C16orf74: variants seen among roughly 807,000 people sequenced by gnomAD.
C16orf74 encodes the protein uncharacterized protein C16orf74.
Under a neutral mutation model 6.5 loss-of-function variants are expected in C16orf74, and 10 were observed. The ratio of observed to expected loss-of-function variants is 1.54; its 90% confidence interval spans 0.95 to 2.61. C16orf74 has a LOEUF of 2.61. C16orf74 is among the 30% of genes most tolerant of loss of function. The pLI is 0.00. For missense variants in C16orf74, 141 were observed against 105.9 expected, an observed-to-expected ratio of 1.33 and a Z score of -1.45; for synonymous variants, 60 against 42.5, an observed-to-expected ratio of 1.41 and a Z score of -1.60.
chr16:85,730,040 C>A (rs1171993571), intron 2 of C16orf74, among the ~76,000 whole-genome samples: 2 of 152,184 alleles, frequency 1.3e-5, no homozygotes, highest in African/African-American at 4.8e-5. Flanking sequence ...CGACACAAAG[C>A]CAGCCCAATA....
intron 2 of C16orf74, among the ~76,000 whole-genome samples, chr16:85,727,199 C>T (rs908437766): frequency 3.9e-5 from 6 of 152,234 alleles, no homozygotes; most frequent in Admixed American, 3.9e-4. Flanking sequence ...CCAGCAGAGC[C>T]AGGCATTCAC....
At chr16:85,717,735 G>C (rs2054039048) in intron 2 of C16orf74, among the ~76,000 whole-genome samples, 1 of 152,230 alleles carries the variant, frequency 6.6e-6, no homozygotes, top group Admixed American at 6.5e-5. Flanking sequence ...TCACGCCCAT[G>C]CTACAAAGGA....
At chr16:85,716,090 C>G (rs910257672) in intron 2 of C16orf74, among the ~76,000 whole-genome samples, 1 of 152,136 alleles carries the variant, frequency 6.6e-6, no homozygotes, top group Non-Finnish European at 1.5e-5. Flanking sequence ...GTCTCCAAAC[C>G]CCTTCCTCGG....
chr16:85,719,877 C>CAG (rs2054063133), intron 2 of C16orf74, among the ~76,000 whole-genome samples: 1 of 144,946 alleles, frequency 6.9e-6, no homozygotes, highest in African/African-American at 2.8e-5. Context: ...GAGGCAGGAA[C>CAG]AGAGGGGCCA....
In C16orf74 at chr16:85,735,171, G is replaced by T; in HGVS notation, c.28+19C>A. 2 of 1,599,476 alleles carry T rather than the reference G, an allele frequency of 1.3e-6. No homozygotes were observed. Among genetic ancestry groups the T allele is most frequent in the Non-Finnish European group, 1.7e-6 (2 of 1,172,674 alleles). ...CCCTCTGCCATGAGAGCTGGTGGGG[G>T]CAGAGCTTCAGGCCTTACCTTTCAG... On this transcript the variant is annotated intron_variant, in intron 2 of 3. Coordinates refer to ENST00000284245, the MANE Select transcript of C16orf74 (RefSeq NM_206967.3).
At chr16:85,724,702 C>G (rs1459668786) in intron 2 of C16orf74, among the ~76,000 whole-genome samples, 2 of 152,134 alleles carry the variant, frequency 1.3e-5, no homozygotes, top group African/African-American at 2.4e-5. Flanking sequence ...GACAGGGCAG[C>G]CACCCCGGCC....
chr16:85,735,265 G>A, intron 1 of C16orf74, 30 bp from the exon 2 acceptor site: 1 of 1,530,426 alleles, frequency 6.5e-7, no homozygotes, highest in Non-Finnish European at 8.8e-7. Context: ...CTGAGAGAGG[G>A]GAGGGCGCGA....
At chr16:85,723,638 C>T (rs1223149092) in intron 2 of C16orf74, among the ~76,000 whole-genome samples, 3 of 152,212 alleles carry the variant, frequency 2.0e-5, no homozygotes, top group Non-Finnish European at 4.4e-5. Context: ...CTAGAATGTT[C>T]CACCCTAGGC....
Position 85,724,538 on chromosome 16 carries a change from C to A in C16orf74, c.28+10652G>T, listed in dbSNP as rs149995603. Among the ~76,000 whole-genome samples, 6 of 152,240 alleles carry A rather than the reference C, an allele frequency of 3.9e-5. No homozygotes were observed. In the East Asian group the frequency reaches 1.2e-3, roughly 29 times the overall value. ...GTGGGGACAGTGGACAGCACGGAAG[C>A]CTTGCTGTGCGGATGAAAGGAGATG... On this transcript the variant is annotated intron_variant, in intron 2 of 3. Transcript: ENST00000284245.
rs1464500266 is a variant in C16orf74, at chr16:85,715,939, C to T, written c.29-5632G>A. Among the ~76,000 whole-genome samples, 5 of 152,174 alleles carry T rather than the reference C, an allele frequency of 3.3e-5. No homozygotes were observed. The East Asian group carries it at 7.7e-4, about 23-fold the overall frequency. ...CGAAAGCACTTCGCCCAGCCAGCTGCCCCATAAGTGTTCTCTATTATCATC... is the reference window on the plus strand; with the variant it reads ...CGAAAGCACTTCGCCCAGCCAGCTGTCCCATAAGTGTTCTCTATTATCATC... On this transcript the variant is annotated intron_variant, in intron 2 of 3. Coordinates refer to ENST00000284245, the MANE Select transcript of C16orf74 (RefSeq NM_206967.3).
intron 2 of C16orf74, among the ~76,000 whole-genome samples, chr16:85,718,233 C>T (rs944882030): frequency 3.9e-5 from 6 of 152,188 alleles, no homozygotes; most frequent in African/African-American, 1.4e-4. Context: ...TCCACCACAC[C>T]TGGCTAAGTT....
At chr16:85,710,658 T>C (rs1598778153) in intron 2 of C16orf74, 2 of 237,448 alleles carry the variant, frequency 8.4e-6, no homozygotes, top group African/African-American at 2.3e-5. Context: ...CGCTCCAGCC[T>C]CCACTCTCCA....
intron 2 of C16orf74, among the ~76,000 whole-genome samples, chr16:85,728,507 G>A (rs2054156281): frequency 6.6e-6 from 1 of 152,086 alleles, no homozygotes; most frequent in Non-Finnish European, 1.5e-5. Context: ...GTTAACCCAG[G>A]CTGGAGCTGA....
chr16:85,730,378 C>G (rs1489325074), intron 2 of C16orf74, among the ~76,000 whole-genome samples: 1 of 152,246 alleles, frequency 6.6e-6, no homozygotes, highest in Non-Finnish European at 1.5e-5. Flanking sequence ...TAATGTAAGG[C>G]TTTGCAAGAT....
chr16:85,720,495 C>G (rs1157192341), intron 2 of C16orf74, among the ~76,000 whole-genome samples: 1 of 152,164 alleles, frequency 6.6e-6, no homozygotes, highest in Non-Finnish European at 1.5e-5. Context: ...GGGTCGGGCA[C>G]AGTGACTCAT....
intron 2 of C16orf74, among the ~76,000 whole-genome samples, chr16:85,717,412 C>A (rs2054036168): frequency 6.6e-6 from 1 of 152,168 alleles, no homozygotes; most frequent in African/African-American, 2.4e-5. Flanking sequence ...GGGATGGGAA[C>A]CCCTGAGCTA....
At chr16:85,712,537 G>A (rs1738483921) in intron 2 of C16orf74, among the ~76,000 whole-genome samples, 1 of 152,184 alleles carries the variant, frequency 6.6e-6, no homozygotes, top group Non-Finnish European at 1.5e-5. Flanking sequence ...TTACACCTGG[G>A]CTGTCAGGGA....
chr16:85,747,012 C>A (rs1198317683), intron 1 of C16orf74, among the ~76,000 whole-genome samples: 1 of 152,044 alleles, frequency 6.6e-6, no homozygotes, highest in Admixed American at 6.6e-5. Context: ...TCCACCTGGC[C>A]CACAGGAAGC....
chr16:85,711,842 C>T (rs969447720), intron 2 of C16orf74, among the ~76,000 whole-genome samples: 2 of 152,116 alleles, frequency 1.3e-5, no homozygotes, highest in African/African-American at 4.8e-5. Flanking sequence ...GTTCTCAGGC[C>T]TCCCTTGACC....
Sources: allele counts gnomAD v4.1 joint callset (sites outside exome capture counted in the v4.1 genomes callset), GRCh38; gene constraint gnomAD v4.1.1; transcripts MANE v1.5; gene names NCBI Gene and HGNC (gene_info 2026-07-23, HGNC 2026-07-21).